NTN1: variants seen among roughly 807,000 people sequenced by gnomAD.
The protein encoded by NTN1 is netrin 1.
In NTN1, 11 loss-of-function variants were observed where a neutral mutation model predicts 54.2. The observed-to-expected ratio is 0.20, with a 90% CI of 0.13 to 0.34. The LOEUF is 0.34. Among genes scored for constraint, NTN1 ranks in the 10% least tolerant of loss-of-function variants. NTN1 has a pLI of 1.00. For synonymous variants in NTN1, 371 were observed against 382.0 expected (o/e 0.97, Z 0.33); for missense variants, 740 against 893.1 (o/e 0.83, Z 2.18).
At chr17:9,185,262 C>A (rs1004861360) in intron 5 of NTN1, among the ~76,000 whole-genome samples, 1 of 152,134 alleles carries the variant, frequency 6.6e-6, no homozygotes, top group Admixed American at 6.5e-5. Context: ...CTTGTCTCAG[C>A]GTCTGAGACA....
chr17:9,215,220 A>G (rs1399080636), intron 5 of NTN1, among the ~76,000 whole-genome samples: 1 of 150,906 alleles, frequency 6.6e-6, no homozygotes, highest in African/African-American at 2.4e-5. Flanking sequence ...AACTAAATTT[A>G]AATATTTTAT....
At chr17:9,190,580 A>G (rs1904424357) in intron 5 of NTN1, among the ~76,000 whole-genome samples, 1 of 152,230 alleles carries the variant, frequency 6.6e-6, no homozygotes, top group Non-Finnish European at 1.5e-5. Flanking sequence ...GGCCAGGTGC[A>G]GTGGCTCACG....
At chr17:9,223,661 G>A (rs893417368) in intron 6 of NTN1, among the ~76,000 whole-genome samples, 1 of 152,060 alleles carries the variant, frequency 6.6e-6, no homozygotes, top group African/African-American at 2.4e-5. Flanking sequence ...GTGGGCCATG[G>A]GGCAGGCCTC....
intron 2 of NTN1, among the ~76,000 whole-genome samples, chr17:9,038,040 G>C (rs2091908422): frequency 6.6e-6 from 1 of 152,152 alleles, no homozygotes; most frequent in African/African-American, 2.4e-5. Context: ...TGGGTACACA[G>C]CTTATAGCCC....
intron 2 of NTN1, among the ~76,000 whole-genome samples, chr17:9,077,919 G>A (rs1323359443): frequency 6.6e-6 from 1 of 152,160 alleles, no homozygotes; most frequent in Non-Finnish European, 1.5e-5. Flanking sequence ...GGGGATTGTG[G>A]AGGTCATCCC....
At chr17:9,014,847 C>T in the NTN1 span, among the ~76,000 whole-genome samples, 2 of 152,194 alleles carry the variant, frequency 1.3e-5, no homozygotes, top group African/African-American at 4.8e-5. Context: ...ATGATTGAGA[C>T]CCAGTCAAGC....
intron 3 of NTN1, among the ~76,000 whole-genome samples, chr17:9,169,881 A>G (rs1408977297): frequency 6.6e-6 from 1 of 152,190 alleles, no homozygotes; most frequent in Non-Finnish European, 1.5e-5. Context: ...AAGAAAAAGA[A>G]AAAGAAATTC....
chr17:9,114,523 C>A (rs2092204195), intron 2 of NTN1, among the ~76,000 whole-genome samples: 1 of 151,362 alleles, frequency 6.6e-6, no homozygotes, highest in Non-Finnish European at 1.5e-5. Context: ...GAGGCCGAGG[C>A]AGGCAGATCT....
intron 2 of NTN1, among the ~76,000 whole-genome samples, chr17:9,113,915 C>T (rs2142254572): frequency 6.6e-6 from 1 of 151,798 alleles, no homozygotes; most frequent in East Asian, 1.9e-4. Flanking sequence ...GTAATCCCAG[C>T]ATTTTGGGAG....
At chr17:9,199,103 C>T (rs114680187) in intron 5 of NTN1, among the ~76,000 whole-genome samples, 2,457 of 152,306 alleles carry the variant, frequency 0.016, 44 homozygotes, top group African/African-American at 0.049. Flanking sequence ...TAACAAACAG[C>T]TCAGATAGTA....
At chr17:9,223,423 A>C (rs1905431240) in intron 6 of NTN1, among the ~76,000 whole-genome samples, 2 of 152,248 alleles carry the variant, frequency 1.3e-5, no homozygotes, top group East Asian at 1.9e-4. Context: ...GTCGTGGCGC[A>C]CACCTGTAAT....
At chr17:9,069,224 G>C (rs748575308) in intron 2 of NTN1, among the ~76,000 whole-genome samples, 4 of 144,276 alleles carry the variant, frequency 2.8e-5, no homozygotes, top group Admixed American at 6.9e-5. Context: ...TTTAGACACC[G>C]AGATCTCACT....
At chr17:9,199,055 C>T (rs1045800144) in intron 5 of NTN1, among the ~76,000 whole-genome samples, 7 of 152,234 alleles carry the variant, frequency 4.6e-5, no homozygotes, top group African/African-American at 1.4e-4. Flanking sequence ...TTCTCTACTT[C>T]TCACAACCCT....
the NTN1 span, among the ~76,000 whole-genome samples, chr17:9,005,830 G>A: frequency 2.2e-4 from 34 of 152,162 alleles, no homozygotes; most frequent in East Asian, 3.9e-4. Context: ...AGAGTGCACC[G>A]CAGGCTGCCT....
chr17:9,083,185 G>C (rs533196256), intron 2 of NTN1, among the ~76,000 whole-genome samples: 1 of 152,130 alleles, frequency 6.6e-6, no homozygotes, highest in South Asian at 2.1e-4. Flanking sequence ...TGCAAGCTCC[G>C]CCTCCCAGGT....
chr17:9,027,361 G>A, intron 2 of NTN1, among the ~76,000 whole-genome samples: 1 of 152,136 alleles, frequency 6.6e-6, no homozygotes, highest in East Asian at 1.9e-4. Context: ...GACTGTAATT[G>A]TACTTCTTTT....
At position 9,221,161 on chromosome 17, in the gene NTN1, C is replaced by G. The variant is rs778851476; in HGVS notation, c.1412-7C>G. On this transcript the variant is annotated splice_polypyrimidine_tract_variant and splice_region_variant and intron_variant, in intron 5 of 6. Transcript: ENST00000173229. The surrounding 1 kb of genome is among the most constrained non-coding windows in gnomAD (Gnocchi z 4.5). ...TTTGTCTGTGCTCCCCCCCCACCCC[C>G]CTGCAGACTGCGATTCCTACTGCAA... The G allele has an allele frequency of 1.0e-5, 16 of 1,592,430 alleles. No homozygotes were observed. The highest frequency in any genetic ancestry group is 8.8e-5 in the South Asian group (8 of 90,608).
chr17:9,150,848 C>A (rs948817400), intron 2 of NTN1, among the ~76,000 whole-genome samples: 1 of 152,148 alleles, frequency 6.6e-6, no homozygotes, highest in African/African-American at 2.4e-5. Flanking sequence ...GGGGATGGCC[C>A]CCGCTGTCCA....
chr17:9,180,274 G>A (rs1385309785), intron 4 of NTN1, among the ~76,000 whole-genome samples: 2 of 152,228 alleles, frequency 1.3e-5, no homozygotes, highest in African/African-American at 4.8e-5. Flanking sequence ...CCTGACCTCA[G>A]GTGATCCACC....
Sources: allele counts gnomAD v4.1 joint callset (sites outside exome capture counted in the v4.1 genomes callset), GRCh38; gene constraint gnomAD v4.1.1; non-coding constraint Gnocchi (gnomAD v3.1); transcripts MANE v1.5; gene names NCBI Gene and HGNC (gene_info 2026-07-23, HGNC 2026-07-21).